Variants in LRGUK observed in about 807,000 individuals in gnomAD.
LRGUK encodes the protein leucine-rich repeat and guanylate kinase domain-containing protein.
LRGUK carries 65 observed loss-of-function variants against 76.0 expected under a neutral mutation model. The observed-to-expected ratio is 0.85, with a 90% CI of 0.70 to 1.05. The LOEUF is 1.05. Among genes scored for constraint, LRGUK ranks in the 50% least tolerant of loss-of-function variants. The probability of loss-of-function intolerance (pLI) is 0.00; values close to 1 mark genes in which losing one functional copy is unlikely to be tolerated. For synonymous variants in LRGUK, 268 were observed against 265.6 expected, an observed-to-expected ratio of 1.01 and a Z score of -0.09; for missense variants, 758 against 732.8, an observed-to-expected ratio of 1.03 and a Z score of -0.40.
intron 12 of LRGUK, among the ~76,000 whole-genome samples, chr7:134,193,520 T>A (rs1284615222): frequency 6.6e-6 from 1 of 152,182 alleles, no homozygotes; most frequent in Non-Finnish European, 1.5e-5. Flanking sequence ...TTCTATACTA[T>A]ATTTAGTCTT....
chr7:134,232,233 G>A (rs1801918240), intron 16 of LRGUK, among the ~76,000 whole-genome samples: 1 of 152,044 alleles, frequency 6.6e-6, no homozygotes, highest in Non-Finnish European at 1.5e-5. Flanking sequence ...ATGGAATGTG[G>A]AAATCCCCAG....
chr7:134,162,724 G>A (rs1457910549), intron 6 of LRGUK, among the ~76,000 whole-genome samples: 1 of 151,862 alleles, frequency 6.6e-6, no homozygotes, highest in Non-Finnish European at 1.5e-5. Flanking sequence ...GTACTTGGGA[G>A]GCTGAGGCAG....
intron 12 of LRGUK, among the ~76,000 whole-genome samples, chr7:134,193,312 C>A (rs188821794): frequency 6.6e-6 from 1 of 152,332 alleles, no homozygotes; most frequent in East Asian, 1.9e-4. Flanking sequence ...TAGTAAGAAG[C>A]ATTCTCTTAG....
intron 18 of LRGUK, among the ~76,000 whole-genome samples, chr7:134,253,053 A>G (rs1370095539): frequency 1.3e-5 from 2 of 152,172 alleles, no homozygotes; most frequent in Non-Finnish European, 2.9e-5. Context: ...ATCTAAGTTA[A>G]ATGTGGAGTG....
intron 1 of LRGUK, among the ~76,000 whole-genome samples, chr7:134,134,981 C>G (rs1371420989): frequency 1.3e-5 from 2 of 152,104 alleles, no homozygotes; most frequent in Non-Finnish European, 2.9e-5. Flanking sequence ...TTTCCCTCTA[C>G]TCTCCTAGCT....
intron 10 of LRGUK, among the ~76,000 whole-genome samples, chr7:134,182,630 C>T (rs975867253): frequency 1.8e-4 from 27 of 152,326 alleles, no homozygotes; most frequent in African/African-American, 6.0e-4. Context: ...CCTTCATCTT[C>T]ATAGAATCCA....
At chr7:134,215,583 A>G (rs1801415187) in intron 15 of LRGUK, among the ~76,000 whole-genome samples, 1 of 152,032 alleles carries the variant, frequency 6.6e-6, no homozygotes, top group African/African-American at 2.4e-5. Flanking sequence ...ATCTATATGT[A>G]TACGTTTTAT....
intron 19 of LRGUK, 29 bp downstream of exon 19, chr7:134,258,434 A>G (rs766088376): frequency 1.0e-5 from 16 of 1,604,666 alleles, no homozygotes; most frequent in Non-Finnish European, 1.4e-5. Context: ...GCGGTGGCTC[A>G]TGCCTGTAAT....
chr7:134,250,740 C>T (rs1288975928), intron 18 of LRGUK, among the ~76,000 whole-genome samples: 1 of 152,134 alleles, frequency 6.6e-6, no homozygotes, highest in East Asian at 1.9e-4. Context: ...AAACTGTGAT[C>T]TCTGAGGATT....
At chr7:134,202,015 C>T (rs1800793545) in intron 15 of LRGUK, among the ~76,000 whole-genome samples, 1 of 152,136 alleles carries the variant, frequency 6.6e-6, no homozygotes, top group Non-Finnish European at 1.5e-5. Flanking sequence ...TGGCAAGAGC[C>T]CTAGTCATAG....
chr7:134,182,276 C>T (rs1411224437), intron 10 of LRGUK, among the ~76,000 whole-genome samples: 2 of 152,170 alleles, frequency 1.3e-5, no homozygotes, highest in Non-Finnish European at 1.5e-5. Context: ...TGGACTGATT[C>T]CAGTTTTGGG....
chr7:134,198,072 T>G (rs772749168), intron 13 of LRGUK, among the ~76,000 whole-genome samples: 6 of 103,164 alleles, frequency 5.8e-5, no homozygotes, highest in Non-Finnish European at 1.3e-4. Context: ...TTTTGGCTCT[T>G]TGTGTTGGTA....
At position 134,191,651 on chromosome 7, in the gene LRGUK, T is replaced by C. The variant is rs755309034; in HGVS notation, c.1335-4T>C. The C allele has an allele frequency of 1.9e-6, 3 of 1,599,810 alleles. No homozygotes were observed. In the East Asian group the frequency reaches 6.7e-5, roughly 36 times the overall value. On this transcript the variant is annotated splice_polypyrimidine_tract_variant and splice_region_variant and intron_variant, in intron 11 of 15. Coordinates refer to ENST00000645682, the Ensembl canonical transcript of LRGUK. ...GGACTAGGTGATCTGTTTTATGATT[T>C]CAGGGCCTGTCATACCACAAGACCA... is the stretch of plus-strand genomic sequence containing the variant.
At chr7:134,183,603 A>T in intron 10 of LRGUK, 131 bp from the exon 11 acceptor site, 1 of 844,794 alleles carries the variant, frequency 1.2e-6, no homozygotes, top group African/African-American at 1.7e-5. Context: ...TGGAAAGGAC[A>T]ACTATTCTTC....
intron 18 of LRGUK, among the ~76,000 whole-genome samples, chr7:134,250,312 T>C (rs982996195): frequency 6.6e-6 from 1 of 152,170 alleles, no homozygotes; most frequent in African/African-American, 2.4e-5. Flanking sequence ...TTTAATGAAA[T>C]ATTCAATAAA....
At chr7:134,166,746 T>A (rs1799004181) in intron 7 of LRGUK, among the ~76,000 whole-genome samples, 1 of 152,162 alleles carries the variant, frequency 6.6e-6, no homozygotes, top group Admixed American at 6.5e-5. Flanking sequence ...TTCCACTCAA[T>A]TTTTGTGCTG....
chr7:134,265,016 C>G (rs1316739098), downstream of LRGUK, among the ~76,000 whole-genome samples: 1 of 152,134 alleles, frequency 6.6e-6, no homozygotes, highest in Non-Finnish European at 1.5e-5. Flanking sequence ...CAGTCCTGCT[C>G]TCAAACAGGA....
chr7:134,269,857 C>A, the LRGUK span, among the ~76,000 whole-genome samples: 2 of 152,088 alleles, frequency 1.3e-5, no homozygotes, highest in African/African-American at 4.8e-5. Flanking sequence ...GAGGAAAAAT[C>A]AGAATATATA....
At chr7:134,135,413 A>T (rs988720151) in intron 1 of LRGUK, among the ~76,000 whole-genome samples, 2 of 152,214 alleles carry the variant, frequency 1.3e-5, no homozygotes, top group Non-Finnish European at 2.9e-5. Flanking sequence ...CTTGAGGCAG[A>T]TAAAGGGAGT....
Sources: allele counts gnomAD v4.1 joint callset (sites outside exome capture counted in the v4.1 genomes callset), GRCh38; gene constraint gnomAD v4.1.1; transcripts MANE v1.5; gene names NCBI Gene and HGNC (gene_info 2026-07-23, HGNC 2026-07-21).